The following EXOC4 variants were observed in gnomAD, a reference collection of about 807,000 sequenced individuals.
The protein encoded by EXOC4 is SEC8-like 1.
A neutral mutation model predicts 107.2 loss-of-function variants in EXOC4; 71 were observed. The ratio of observed to expected loss-of-function variants is 0.66; its 90% CI spans 0.55 to 0.81. EXOC4 has a LOEUF of 0.81. Ranked by LOEUF, EXOC4 falls within the 30% of genes least tolerant of loss-of-function variation. EXOC4 has a pLI of 0.00. For missense variants in EXOC4, 1,108 were observed against 1,189.6 expected (o/e 0.93, Z 1.01); for synonymous variants, 456 against 441.2 (o/e 1.03, Z -0.42).
chr7:133,846,675 G>C (rs780335962), intron 11 of EXOC4, among the ~76,000 whole-genome samples: 1 of 152,352 alleles, frequency 6.6e-6, no homozygotes, highest in East Asian at 1.9e-4. Flanking sequence ...CAGCTATGCG[G>C]CTCTGCCTTT....
intron 1 of EXOC4, among the ~76,000 whole-genome samples, chr7:133,261,486 C>T (rs985702311): frequency 6.6e-6 from 1 of 152,064 alleles, no homozygotes; most frequent in African/African-American, 2.4e-5. Context: ...GTCTTGAATT[C>T]CTGGCCTCAA....
intron 7 of EXOC4, among the ~76,000 whole-genome samples, chr7:133,416,241 A>C (rs1448312796): frequency 6.6e-6 from 1 of 152,196 alleles, no homozygotes; most frequent in Admixed American, 6.5e-5. Flanking sequence ...GAAAGGAAAG[A>C]TGGAGCTAAG....
At chr7:133,830,318 A>G (rs1275720148) in intron 11 of EXOC4, among the ~76,000 whole-genome samples, 7 of 152,196 alleles carry the variant, frequency 4.6e-5, no homozygotes, top group Non-Finnish European at 1.0e-4. Context: ...ATGGCTTCTG[A>G]CGCTTTACCA....
intron 2 of EXOC4, among the ~76,000 whole-genome samples, chr7:133,280,315 A>G (rs747699775): frequency 6.6e-6 from 1 of 152,202 alleles, no homozygotes; most frequent in African/African-American, 2.4e-5. Flanking sequence ...CTCCAGTTCC[A>G]TAGGTTCTGC....
intron 10 of EXOC4, among the ~76,000 whole-genome samples, chr7:133,687,965 G>A (rs1039820215): frequency 1.4e-4 from 22 of 152,122 alleles, no homozygotes; most frequent in Admixed American, 1.4e-3. Flanking sequence ...AACAAACTGT[G>A]TGTATACAGG....
intron 8 of EXOC4, among the ~76,000 whole-genome samples, chr7:133,476,004 T>A (rs903297731): frequency 6.6e-6 from 1 of 152,118 alleles, no homozygotes; most frequent in African/African-American, 2.4e-5. Context: ...TAATAGTTAA[T>A]AATATTGATA....
intron 16 of EXOC4, among the ~76,000 whole-genome samples, chr7:134,007,132 C>T (rs921898795): frequency 1.2e-4 from 19 of 152,244 alleles, no homozygotes; most frequent in African/African-American, 3.6e-4. Flanking sequence ...AACCCAATTT[C>T]TTATTGATTT....
intron 11 of EXOC4, among the ~76,000 whole-genome samples, chr7:133,824,505 G>A (rs1386555545): frequency 1.3e-5 from 2 of 152,162 alleles, no homozygotes; most frequent in African/African-American, 4.8e-5. Context: ...TTTTCCTGGA[G>A]TTTGTCAGCT....
At chr7:133,533,367 A>G (rs1445866600) in intron 9 of EXOC4, among the ~76,000 whole-genome samples, 2 of 152,130 alleles carry the variant, frequency 1.3e-5, no homozygotes, top group African/African-American at 4.8e-5. Context: ...TAAGTGATGG[A>G]ATGACAGCCT....
intron 1 of EXOC4, among the ~76,000 whole-genome samples, chr7:133,260,294 GAC>G (rs1170090627): frequency 6.8e-6 from 1 of 147,826 alleles, no homozygotes; most frequent in Non-Finnish European, 1.5e-5. Flanking sequence ...GTTTTTTTGA[GAC>G]AGAGTCTTGC....
intron 7 of EXOC4, among the ~76,000 whole-genome samples, chr7:133,460,283 T>A (rs1798560103): frequency 6.6e-6 from 1 of 152,140 alleles, no homozygotes; most frequent in South Asian, 2.1e-4. Flanking sequence ...CAGGTGATAA[T>A]GCTTGCTCCC....
At chr7:133,810,746 C>T (rs147671146) in intron 10 of EXOC4, among the ~76,000 whole-genome samples, 30 of 152,098 alleles carry the variant, frequency 2.0e-4, no homozygotes, top group Admixed American at 5.9e-4. Flanking sequence ...AATTCTCCTG[C>T]TTGTTTCCCG....
intron 2 of EXOC4, among the ~76,000 whole-genome samples, chr7:133,281,334 T>C (rs941154199): frequency 6.2e-5 from 9 of 144,718 alleles, no homozygotes; most frequent in African/African-American, 2.3e-4. Flanking sequence ...ATAAAATACA[T>C]AATAAAAATG....
At chr7:133,622,835 G>A (rs1343966541) in intron 9 of EXOC4, among the ~76,000 whole-genome samples, 2 of 151,950 alleles carry the variant, frequency 1.3e-5, no homozygotes, top group Non-Finnish European at 2.9e-5. Flanking sequence ...TTCAACCTGC[G>A]AATTCCTTGG....
At chr7:133,427,660 G>A (rs944409650) in intron 7 of EXOC4, among the ~76,000 whole-genome samples, 3 of 152,190 alleles carry the variant, frequency 2.0e-5, no homozygotes, top group Admixed American at 2.0e-4. Flanking sequence ...ACCCAACTCT[G>A]TACTCTGTAA....
chr7:133,824,364 C>T (rs998611933), intron 11 of EXOC4, among the ~76,000 whole-genome samples: 1 of 151,912 alleles, frequency 6.6e-6, no homozygotes, highest in African/African-American at 2.4e-5. Flanking sequence ...GCGTCTTCTT[C>T]TCATCACCAG....
At chr7:133,789,221 G>A (rs1014329384) in intron 10 of EXOC4, among the ~76,000 whole-genome samples, 5 of 152,072 alleles carry the variant, frequency 3.3e-5, no homozygotes, top group Non-Finnish European at 1.5e-5. Context: ...AGCATTTTCT[G>A]GACCAGCATC....
At chr7:134,096,590 AC>A in the EXOC4 span, among the ~76,000 whole-genome samples, 1 of 152,202 alleles carries the variant, frequency 6.6e-6, no homozygotes, top group African/African-American at 2.4e-5. Flanking sequence ...CAGGAAGCTG[AC>A]AGTGCAGCCT....
intron 7 of EXOC4, among the ~76,000 whole-genome samples, chr7:133,457,416 A>AATT (rs1489586277): frequency 6.6e-6 from 1 of 152,200 alleles, no homozygotes; most frequent in Admixed American, 6.5e-5. Flanking sequence ...CCTGATCAAT[A>AATT]GCCTTACTAT....
Sources: gnomAD v4.1 joint callset for allele counts (sites outside exome capture counted in the v4.1 genomes callset) on GRCh38, gnomAD v4.1.1 for gene constraint, MANE v1.5 for transcripts, NCBI Gene and HGNC (gene_info 2026-07-23, HGNC 2026-07-21) for gene names.